Variants in DHODH observed in about 807,000 individuals in gnomAD.
The protein encoded by DHODH is dihydroorotate dehydrogenase (quinone), mitochondrial.
DHODH carries 30 observed loss-of-function variants against 39.7 expected under a neutral mutation model. The observed-to-expected ratio is 0.76, with a 90% CI of 0.57 to 1.02. DHODH has a LOEUF of 1.02. DHODH is among the 50% of genes least tolerant of loss of function. DHODH has a pLI of 0.00. For missense variants in DHODH, 531 were observed against 520.8 expected (o/e 1.02, Z -0.19); for synonymous variants, 222 against 213.8 (o/e 1.04, Z -0.34).
In DHODH at chr16:72,016,760, G is replaced by A. The variant is rs556067997; in HGVS notation, c.435-264G>A. The A allele has an allele frequency of 3.1e-5, 14 of 444,548 alleles. No homozygotes were observed. The Admixed American group carries it at 4.0e-4, about 13-fold the overall frequency. 27.5% of individuals were successfully genotyped at this position (444,548 alleles called of 1,614,324 possible). ...AGAGAGTGGCTGGGTAAGGAGTGGG[G>A]ATCCAGCAGGTCTGGGGCAGCTGCT... On this transcript the variant is annotated intron_variant, in intron 3 of 8. Coordinates refer to ENST00000219240, the MANE Select transcript of DHODH (RefSeq NM_001361.5).
chr16:72,023,674 G>C, intron 8 of DHODH, 41 bp downstream of exon 8: 2 of 1,610,304 alleles, frequency 1.2e-6, no homozygotes, highest in Non-Finnish European at 8.5e-7. Context: ...AAGTTAGGCA[G>C]AGGTTCATTT....
intron 4 of DHODH, among the ~76,000 whole-genome samples, chr16:72,018,195 G>GGA (rs2041164404): frequency 6.6e-6 from 1 of 152,170 alleles, no homozygotes; most frequent in South Asian, 2.1e-4. Flanking sequence ...TAATGCCCCT[G>GGA]GGACCCTCTG....
intron 7 of DHODH, 23 bp from the exon 8 acceptor site, chr16:72,023,451 T>G: frequency 6.2e-7 from 1 of 1,614,162 alleles, no homozygotes; most frequent in South Asian, 1.1e-5. Flanking sequence ...TTCTTTATGG[T>G]GTCGCCATGT....
chr16:72,021,036 G>A (rs2041207258), intron 4 of DHODH, 88 bp from the exon 5 acceptor site: 2 of 1,376,158 alleles, frequency 1.5e-6, no homozygotes, highest in Admixed American at 2.0e-5. Context: ...CTGCGCGGCT[G>A]TCCACAGGTG....
intron 1 of DHODH, among the ~76,000 whole-genome samples, chr16:72,010,756 G>C (rs991551072): frequency 6.6e-6 from 1 of 152,186 alleles, no homozygotes; most frequent in African/African-American, 2.4e-5. Flanking sequence ...TTTTGAGAGA[G>C]TCTGACTCTG....
At chr16:72,021,650 G>A (rs1482717509) in intron 5 of DHODH, among the ~76,000 whole-genome samples, 1 of 152,144 alleles carries the variant, frequency 6.6e-6, no homozygotes, top group Non-Finnish European at 1.5e-5. Flanking sequence ...AATATTTCCT[G>A]GTTATCTTTT....
At chr16:72,017,257 G>A (rs1350749519) in intron 4 of DHODH, 151 bp downstream of exon 4, 15 of 806,640 alleles carry the variant, frequency 1.9e-5, no homozygotes, top group Non-Finnish European at 2.7e-5. Flanking sequence ...CGATTTTCCT[G>A]GTCCCACACA....
In DHODH at chr16:72,024,448, G is replaced by A; in HGVS notation, c.*249G>A. 1 of 552,642 alleles carries A rather than the reference G, an allele frequency of 1.8e-6. No homozygotes were observed. The highest frequency in any genetic ancestry group is 3.3e-6 in the Non-Finnish European group (1 of 306,698). The allele number at this position is 552,642 out of a possible 1,614,324, so 34.2% of individuals were successfully genotyped here. A position where few individuals can be genotyped will look rare whatever the true frequency, so the allele number is the denominator to read the frequency against. ...ACCCTAGGATCCATCAGTCTTGCAA[G>A]GACATTGAATATTAGGAGGAAAAAG... On this transcript the variant is annotated 3_prime_UTR_variant, in exon 9 of 9. Transcript: ENST00000219240.
At chr16:72,014,346 G>T (rs574169933) in intron 2 of DHODH, 127 bp from the exon 3 acceptor site, 2 of 889,284 alleles carry the variant, frequency 2.2e-6, no homozygotes, top group East Asian at 2.5e-5. Context: ...GACCTTGGGG[G>T]TGGGCCCTGG....
intron 2 of DHODH, 30 bp downstream of exon 2, chr16:72,012,292 A>G: frequency 1.2e-6 from 2 of 1,604,524 alleles, no homozygotes; most frequent in African/African-American, 1.3e-5. Context: ...TATACATTAA[A>G]TACAAAGGCG....
rs142502251 is a variant in DHODH at position 72,019,445 on chromosome 16, C to T, written c.518-1679C>T. On this transcript the variant is annotated intron_variant, in intron 4 of 8. Transcript: ENST00000219240. ...CTTGGTGTTCTAATTCTTCCCCCAA[C>T]TCTCAGATCAAAAGTACAGCCTGTA... 4.1e-4 allele frequency among the ~76,000 whole-genome samples: 63 copies of T among 152,364 alleles called. 2 individuals are homozygous for T. The East Asian group carries it at 0.012, about 28-fold the overall frequency.
intron 6 of DHODH, 99 bp downstream of exon 6, chr16:72,022,574 T>A (rs910185401): frequency 2.1e-6 from 2 of 957,196 alleles, no homozygotes; most frequent in Admixed American, 4.0e-5. Context: ...TGTGATTTCC[T>A]CTCCTTGGTA....
intron 3 of DHODH, chr16:72,015,970 C>A: frequency 1.4e-6 from 1 of 701,162 alleles, no homozygotes; most frequent in Non-Finnish European, 1.8e-6. Context: ...GTGGCTTAAA[C>A]AACAGGCACA....
intron 5 of DHODH, 85 bp from the exon 6 acceptor site, chr16:72,022,277 A>C (rs766975132): frequency 2.6e-5 from 25 of 969,200 alleles, no homozygotes; most frequent in Non-Finnish European, 4.0e-5. Context: ...TATTGTGGAA[A>C]CCCACTGACC....
At chr16:72,014,378 C>T (rs1285283213) in intron 2 of DHODH, 95 bp from the exon 3 acceptor site, 7 of 1,286,432 alleles carry the variant, frequency 5.4e-6, no homozygotes, top group Non-Finnish European at 7.9e-6. Context: ...TCACAAGCTT[C>T]CCAGGTCATT....
chr16:72,014,732 G>A, intron 3 of DHODH, 60 bp downstream of exon 3: 1 of 1,541,268 alleles, frequency 6.5e-7, no homozygotes, highest in Non-Finnish European at 8.9e-7. Context: ...GGCGTTCAGA[G>A]ATATAAGATC....
At position 72,020,052 on chromosome 16, in the gene DHODH, C is replaced by T; in HGVS notation, c.518-1072C>T. 1.3e-5 allele frequency among the ~76,000 whole-genome samples: 2 copies of T among 151,568 alleles called. 1 individual carries two copies. Among genetic ancestry groups the T allele is most frequent in the Non-Finnish European group, 2.9e-5 (2 of 67,936 alleles). On this transcript the variant is annotated intron_variant, in intron 4 of 8. Transcript: ENST00000219240. Reference sequence around the variant, plus strand: ...CAGCACTTTGGGAGGCTGAGGTGGGCAGATCATGAGGTCTGGAGATGGAGA... The same window carrying T: ...CAGCACTTTGGGAGGCTGAGGTGGGTAGATCATGAGGTCTGGAGATGGAGA...
At chr16:72,017,251 T>A in intron 4 of DHODH, 145 bp downstream of exon 4, 1 of 837,566 alleles carries the variant, frequency 1.2e-6, no homozygotes, top group South Asian at 1.4e-5. Context: ...CTAGAGCGAT[T>A]TTCCTGGTCC....
At chr16:72,011,784 T>A (rs1435677048) in intron 1 of DHODH, among the ~76,000 whole-genome samples, 1 of 152,196 alleles carries the variant, frequency 6.6e-6, no homozygotes, top group Non-Finnish European at 1.5e-5. Context: ...AGTAGCAGTG[T>A]CCACCACGAT....
Sources: allele counts gnomAD v4.1 joint callset (sites outside exome capture counted in the v4.1 genomes callset), GRCh38; gene constraint gnomAD v4.1.1; transcripts MANE v1.5; gene names NCBI Gene and HGNC (gene_info 2026-07-23, HGNC 2026-07-21).